Variants in COL4A3 observed in about 807,000 individuals in gnomAD.
The protein encoded by COL4A3 is collagen type IV alpha 3 chain.
Under a neutral mutation model 217.4 loss-of-function variants are expected in COL4A3, and 135 were observed. The ratio of observed to expected loss-of-function variants is 0.62; its 90% CI spans 0.54 to 0.72. The LOEUF is 0.72. COL4A3 is among the 30% of genes least tolerant of loss of function. COL4A3 has a pLI of 0.00. For synonymous variants in COL4A3, 690 were observed against 736.3 expected, an observed-to-expected ratio of 0.94 and a Z score of 1.02; for missense variants, 1,868 against 2,119.9, an observed-to-expected ratio of 0.88 and a Z score of 2.33.
At chr2:227,285,902 A>C (rs1229585595) in intron 34 of COL4A3, among the ~76,000 whole-genome samples, 2 of 152,206 alleles carry the variant, frequency 1.3e-5, no homozygotes, top group East Asian at 3.8e-4. Context: ...ACCTGTATCT[A>C]GGCCTCCCTA....
intron 34 of COL4A3, among the ~76,000 whole-genome samples, chr2:227,284,937 G>C (rs897179449): frequency 1.3e-5 from 2 of 152,104 alleles, no homozygotes; most frequent in Non-Finnish European, 2.9e-5. Context: ...TTTTATGGCA[G>C]TTTTCATGAT....
intron 1 of COL4A3, among the ~76,000 whole-genome samples, chr2:227,168,678 CA>C (rs199720374): frequency 6.6e-6 from 1 of 151,980 alleles, no homozygotes; most frequent in Admixed American, 6.6e-5. Context: ...TGTACCTTGT[CA>C]AAATTTTTTT....
chr2:227,260,202 C>T (rs114190809), intron 19 of COL4A3: 80 of 463,030 alleles, frequency 1.7e-4, no homozygotes, highest in African/African-American at 1.3e-3. Flanking sequence ...AAATGGAGAC[C>T]GCGAACAAAC....
rs1437063843 is a variant in COL4A3, at chr2:227,249,228, A to ATTTT, written c.546+709_546+710insTTTT. Among the ~76,000 whole-genome samples, 79 of 22,160 alleles carry ATTTT rather than the reference A, an allele frequency of 3.6e-3. 2 individuals are homozygous for ATTTT. The highest frequency in any genetic ancestry group is 0.013 in the Middle Eastern group (1 of 78). The allele number at this position is 22,160 out of a possible 152,430, so 14.5% of individuals were successfully genotyped here. A position where few individuals can be genotyped will look rare whatever the true frequency, so the allele number is the denominator to read the frequency against. On this transcript the variant is annotated intron_variant, in intron 9 of 51. Coordinates refer to ENST00000396578, the MANE Select transcript of COL4A3 (RefSeq NM_000091.5). ...AATTAGCTAGTATATATATATATAT[A>ATTTT]TATTTTTTTTTTTTTTTTTTTTTTT... is the stretch of plus-strand genomic sequence containing the variant.
intron 1 of COL4A3, among the ~76,000 whole-genome samples, chr2:227,214,846 A>C (rs1332483728): frequency 6.6e-6 from 1 of 152,202 alleles, no homozygotes; most frequent in African/African-American, 2.4e-5. Flanking sequence ...ATAAACTCCT[A>C]GGGCTTGACA....
At chr2:227,180,190 G>A (rs746221158) in intron 1 of COL4A3, among the ~76,000 whole-genome samples, 2 of 152,098 alleles carry the variant, frequency 1.3e-5, no homozygotes, top group African/African-American at 2.4e-5. Context: ...GCCATCTTAC[G>A]CAAAAGCAGA....
chr2:227,301,781 T>C (rs192928304), intron 43 of COL4A3: 32 of 152,350 alleles, frequency 2.1e-4, no homozygotes, highest in Admixed American at 1.9e-3. Flanking sequence ...ACATGCCCTT[T>C]TTCATAGTTA....
chr2:227,273,130 T>C lies in COL4A3; in HGVS notation c.1927+13T>C. 6.2e-7 allele frequency: 1 copy of C among 1,612,790 alleles called. No individual in the cohort carries two copies. Among genetic ancestry groups the C allele is most frequent in the Non-Finnish European group, 8.5e-7 (1 of 1,179,962 alleles). On this transcript the variant is annotated intron_variant, in intron 26 of 51. Transcript: ENST00000396578. ...CCCGGAGAAGCCGGTTGGTTAGTTT[T>C]CTTTCCAGTCCTGTTTTCCGATGGA...
Position 227,257,603 on chromosome 2 carries a change from G to C in COL4A3, c.988G>C (p.Gly330Arg), listed in dbSNP as rs1435232414. Reference sequence around the variant, plus strand: ...AATTTGTAAATGTCTTTCACTGTAGGGACAGAAAGGGGACATTGGCCCTCC... The same window carrying C: ...AATTTGTAAATGTCTTTCACTGTAGCGACAGAAAGGGGACATTGGCCCTCC... ...PGLMGEDGIK[G>R]QKGDIGPPGF... Residue 330 changes from glycine to arginine, a missense_variant and splice_region_variant, in exon 18 of 52, where the codon GGA (glycine) becomes CGA (arginine). Gly to Arg is a moderately radical substitution (Grantham distance 125). Around this residue, in one of 2 missense-constraint regions of COL4A3, gnomAD observed 1,503 missense variants for 1,786.1 expected, o/e 0.84. Coordinates refer to ENST00000396578, the MANE Select transcript of COL4A3 (RefSeq NM_000091.5). The C allele has an allele frequency of 1.2e-6, 2 of 1,613,550 alleles. No homozygotes were observed. The highest frequency in any genetic ancestry group is 3.3e-5 in the Admixed American group (2 of 60,006).
chr2:227,294,298 A>G, intron 38 of COL4A3, 192 bp from the exon 39 acceptor site: 1 of 621,360 alleles, frequency 1.6e-6, no homozygotes, highest in Admixed American at 2.6e-5. Context: ...GAAAGTGATT[A>G]GACACATCTC....
chr2:227,289,923 C>T (rs1016098800), intron 35 of COL4A3, 76 bp from the exon 36 acceptor site: 8 of 1,425,656 alleles, frequency 5.6e-6, no homozygotes, highest in Admixed American at 1.8e-5. Flanking sequence ...TTCATGCATG[C>T]AAGCAACAAG....
chr2:227,313,533 G>C lies in COL4A3; in HGVS notation c.*1663G>C, dbSNP rs56030607. On this transcript the variant is annotated 3_prime_UTR_variant, in exon 52 of 52. Coordinates refer to ENST00000396578, the MANE Select transcript of COL4A3 (RefSeq NM_000091.5). Reference sequence around the variant, plus strand: ...TGAAGATGCTTTTTGATCTACCTAGGTGGAGTTGGTGGTGCTGATATTTAA... The same window carrying C: ...TGAAGATGCTTTTTGATCTACCTAGCTGGAGTTGGTGGTGCTGATATTTAA... 0.058 allele frequency: 8,841 copies of C among 152,666 alleles called. 350 individuals carry two copies. Among genetic ancestry groups the C allele is most frequent in the African/African-American group, 0.098 (4,072 of 41,520 alleles). 9.5% of individuals were successfully genotyped at this position (152,666 alleles called of 1,614,324 possible). A position where few individuals can be genotyped will look rare whatever the true frequency, so the allele number is the denominator to read the frequency against.
At chr2:227,225,511 G>T (rs1312625306) in intron 1 of COL4A3, among the ~76,000 whole-genome samples, 6 of 152,174 alleles carry the variant, frequency 3.9e-5, no homozygotes, top group Admixed American at 3.3e-4. Context: ...AGACCCTGCA[G>T]CAGCAGGTGA....
intron 1 of COL4A3, among the ~76,000 whole-genome samples, chr2:227,215,306 T>C (rs980732567): frequency 6.6e-6 from 1 of 152,184 alleles, no homozygotes; most frequent in Non-Finnish European, 1.5e-5. Flanking sequence ...ATTCTATGTA[T>C]TTACTTCCAG....
intron 39 of COL4A3, 88 bp downstream of exon 39, chr2:227,294,658 A>G: frequency 1.0e-6 from 1 of 981,624 alleles, no homozygotes; most frequent in Non-Finnish European, 1.6e-6. Context: ...CTACTACTCT[A>G]TAGAAGGTAG....
At chr2:227,288,233 A>G (rs1348348071) in intron 34 of COL4A3, among the ~76,000 whole-genome samples, 1 of 152,126 alleles carries the variant, frequency 6.6e-6, no homozygotes, top group Non-Finnish European at 1.5e-5. Context: ...AGTAGCTGGG[A>G]TTACAGGTGT....
intron 1 of COL4A3, among the ~76,000 whole-genome samples, chr2:227,181,841 A>G (rs1219326031): frequency 6.6e-6 from 1 of 152,198 alleles, no homozygotes; most frequent in Admixed American, 6.5e-5. Context: ...TAGTAGAATT[A>G]TTAATTAGAG....
chr2:227,291,580 CAA>C (rs1212189875), intron 37 of COL4A3, among the ~76,000 whole-genome samples: 1 of 31,598 alleles, frequency 3.2e-5, no homozygotes, highest in African/African-American at 6.5e-5. Flanking sequence ...AAAAAAAAAA[CAA>C]AAAAAAAAAA....
chr2:227,179,261 C>A (rs1559798326), intron 1 of COL4A3, among the ~76,000 whole-genome samples: 1 of 152,124 alleles, frequency 6.6e-6, no homozygotes, highest in Non-Finnish European at 1.5e-5. Context: ...ACAGCCCTTT[C>A]CAACCAAAAA....
Sources: allele counts gnomAD v4.1 joint callset (sites outside exome capture counted in the v4.1 genomes callset), GRCh38; gene constraint gnomAD v4.1.1; regional missense constraint gnomAD v4.1.1; transcripts MANE v1.5; gene names NCBI Gene and HGNC (gene_info 2026-07-23, HGNC 2026-07-21).